The following GLT1D1 variants were observed in gnomAD, a reference collection of about 807,000 sequenced individuals.
GLT1D1 encodes glycosyltransferase 1 domain containing 1.
In GLT1D1, 21 loss-of-function variants were observed where a neutral mutation model predicts 28.7. That is an observed-to-expected ratio of 0.73 (90% confidence interval 0.52 to 1.05). The LOEUF is 1.05. Among genes scored for constraint, GLT1D1 ranks in the 50% least tolerant of loss-of-function variants. GLT1D1 has a pLI of 0.00. For synonymous variants in GLT1D1, 147 were observed against 124.8 expected (o/e 1.18, Z -1.19); for missense variants, 343 against 330.6 (o/e 1.04, Z -0.29).
intron 5 of GLT1D1, among the ~76,000 whole-genome samples, chr12:128,946,407 C>T (rs186538719): frequency 3.2e-4 from 49 of 152,164 alleles, no homozygotes; most frequent in African/African-American, 8.4e-4. Flanking sequence ...AGTGCAGTGG[C>T]GTGATCTCAG....
chr12:128,920,766 G>C (rs187530120), intron 4 of GLT1D1, among the ~76,000 whole-genome samples: 1 of 152,172 alleles, frequency 6.6e-6, no homozygotes, highest in South Asian at 2.1e-4. Flanking sequence ...TAAAAATACC[G>C]TTCTCCAGGA....
chr12:128,901,475 C>T (rs1205792728), intron 4 of GLT1D1, among the ~76,000 whole-genome samples: 6 of 149,548 alleles, frequency 4.0e-5, no homozygotes, highest in African/African-American at 9.9e-5. Flanking sequence ...CTCGCTCTGT[C>T]GCCCAGGCTG....
At chr12:128,878,636 C>T (rs1956929537) in intron 2 of GLT1D1, among the ~76,000 whole-genome samples, 1 of 151,548 alleles carries the variant, frequency 6.6e-6, no homozygotes, top group African/African-American at 2.4e-5. Context: ...GACACAGGGT[C>T]TCACTCTGTT....
intron 4 of GLT1D1, among the ~76,000 whole-genome samples, chr12:128,918,385 A>G (rs1161577872): frequency 1.3e-5 from 2 of 152,120 alleles, no homozygotes; most frequent in East Asian, 3.9e-4. Flanking sequence ...TACCTAGGTG[A>G]TGGGTTGATA....
At chr12:128,879,054 G>C (rs1341655015) in intron 2 of GLT1D1, among the ~76,000 whole-genome samples, 1 of 152,222 alleles carries the variant, frequency 6.6e-6, no homozygotes, top group Admixed American at 6.5e-5. Flanking sequence ...TTGTAAGGTT[G>C]TCACTGACTG....
chr12:128,931,914 C>CACACACAT (rs1873943528), intron 4 of GLT1D1, among the ~76,000 whole-genome samples: 1 of 60,908 alleles, frequency 1.6e-5, no homozygotes, highest in Non-Finnish European at 3.0e-5. Flanking sequence ...CACACACACG[C>CACACACAT]ACGCACACAC....
chr12:128,871,746 T>C (rs1023508092), intron 1 of GLT1D1, among the ~76,000 whole-genome samples: 2 of 152,154 alleles, frequency 1.3e-5, no homozygotes, highest in Non-Finnish European at 2.9e-5. Flanking sequence ...TCCTCTTCTT[T>C]GTTTTACTCA....
chr12:128,979,275 G>T (rs1478238898), intron 7 of GLT1D1, among the ~76,000 whole-genome samples: 1 of 152,012 alleles, frequency 6.6e-6, no homozygotes, highest in Non-Finnish European at 1.5e-5. Context: ...CTGCTGTCTG[G>T]CAGTTTCTAC....
chr12:128,883,514 C>T (rs940269525), intron 2 of GLT1D1, among the ~76,000 whole-genome samples: 17 of 148,842 alleles, frequency 1.1e-4, no homozygotes, highest in Non-Finnish European at 7.4e-5. Flanking sequence ...AGCTTGAACC[C>T]GGGAGACGGA....
intron 1 of GLT1D1, among the ~76,000 whole-genome samples, chr12:128,861,732 C>T (rs952519352): frequency 4.6e-5 from 7 of 152,096 alleles, no homozygotes; most frequent in East Asian, 1.9e-4. Flanking sequence ...CTACAGGACA[C>T]GGACCAGAAA....
intron 1 of GLT1D1, among the ~76,000 whole-genome samples, chr12:128,860,954 G>A (rs953721692): frequency 1.3e-5 from 2 of 152,148 alleles, no homozygotes; most frequent in African/African-American, 4.8e-5. Flanking sequence ...TCTGGTAAGT[G>A]AAAAAATAGA....
intron 4 of GLT1D1, among the ~76,000 whole-genome samples, chr12:128,944,048 A>G (rs1875704648): frequency 6.6e-6 from 1 of 152,222 alleles, no homozygotes. Flanking sequence ...GATGTTTTTG[A>G]GGATAGCTGC....
intron 2 of GLT1D1, among the ~76,000 whole-genome samples, chr12:128,885,289 C>T (rs1957150918): frequency 1.3e-5 from 2 of 152,170 alleles, no homozygotes; most frequent in Non-Finnish European, 2.9e-5. Flanking sequence ...GTGGCACAAT[C>T]TTGGCTCACT....
chr12:128,950,613 C>A (rs376639223), intron 6 of GLT1D1, among the ~76,000 whole-genome samples: 58 of 152,316 alleles, frequency 3.8e-4, no homozygotes, highest in African/African-American at 1.3e-3. Flanking sequence ...GGTGCCCCCC[C>A]CTCACAGATC....
At chr12:128,933,182 C>T (rs2135931036) in intron 4 of GLT1D1, among the ~76,000 whole-genome samples, 1 of 152,336 alleles carries the variant, frequency 6.6e-6, no homozygotes, top group Admixed American at 6.5e-5. Context: ...CCCTGTTTAT[C>T]AGTGTCCATG....
intron 4 of GLT1D1, among the ~76,000 whole-genome samples, chr12:128,934,774 G>A (rs1238262144): frequency 6.6e-6 from 1 of 152,234 alleles, no homozygotes; most frequent in Non-Finnish European, 1.5e-5. Context: ...AGGCCAGGAT[G>A]TCGCGTCAAG....
intron 6 of GLT1D1, among the ~76,000 whole-genome samples, chr12:128,952,621 C>A (rs1403617992): frequency 1.5e-4 from 22 of 151,282 alleles, no homozygotes; most frequent in Non-Finnish European, 1.9e-4. Context: ...CCTGCGCCAC[C>A]ACGCTTGGCT....
chr12:128,971,010 T>G (rs1878986255), intron 7 of GLT1D1, among the ~76,000 whole-genome samples: 1 of 152,252 alleles, frequency 6.6e-6, no homozygotes, highest in South Asian at 2.1e-4. Context: ...TATTTTCATC[T>G]GATAGTGAGC....
chr12:128,982,343 G>A (rs1880397112), intron 7 of GLT1D1, among the ~76,000 whole-genome samples: 1 of 152,214 alleles, frequency 6.6e-6, no homozygotes, highest in Non-Finnish European at 1.5e-5. Flanking sequence ...ACACAGCAAA[G>A]TGAGGTCGTT....
Sources: allele counts gnomAD v4.1 joint callset (sites outside exome capture counted in the v4.1 genomes callset), GRCh38; gene constraint gnomAD v4.1.1; transcripts MANE v1.5; gene names NCBI Gene and HGNC (gene_info 2026-07-23, HGNC 2026-07-21).